Variants in DAB1 observed in about 807,000 individuals in gnomAD.
DAB1 encodes disabled homolog 1.
DAB1 carries 15 observed loss-of-function variants against 64.6 expected under a neutral mutation model. The ratio of observed to expected loss-of-function variants is 0.23; its 90% CI spans 0.16 to 0.36. The LOEUF (loss-of-function observed/expected upper bound fraction) is 0.36, where lower values mean the gene tolerates loss of function less well. DAB1 is among the 10% of genes least tolerant of loss of function. The pLI, the probability that DAB1 is intolerant of heterozygous loss-of-function variation, is 1.00. For synonymous variants in DAB1, 235 were observed against 251.9 expected, an observed-to-expected ratio of 0.93 and a Z score of 0.64; for missense variants, 596 against 706.7, an observed-to-expected ratio of 0.84 and a Z score of 1.78.
chr1:58,322,887 G>A (rs12032595), intron 4 of DAB1, among the ~76,000 whole-genome samples: 5,116 of 152,180 alleles, frequency 0.034, 238 homozygotes, highest in East Asian at 0.24. Context: ...TGGCACATAT[G>A]TACCACGGAA....
chr1:58,533,748 A>G (rs935542607), intron 1 of DAB1, among the ~76,000 whole-genome samples: 4 of 152,234 alleles, frequency 2.6e-5, no homozygotes, highest in African/African-American at 9.6e-5. Flanking sequence ...TAAGAAAAAT[A>G]TTATTCAGTA....
intron 7 of DAB1, among the ~76,000 whole-genome samples, chr1:57,618,847 T>C (rs1035693227): frequency 1.3e-5 from 2 of 152,172 alleles, no homozygotes; most frequent in African/African-American, 4.8e-5. Flanking sequence ...GATAAGAATT[T>C]AGATCCTGGA....
At chr1:58,450,861 A>T (rs1164298628) in intron 3 of DAB1, among the ~76,000 whole-genome samples, 1 of 152,220 alleles carries the variant, frequency 6.6e-6, no homozygotes, top group Non-Finnish European at 1.5e-5. Context: ...TGTTGGTATC[A>T]GGTATTCCCT....
intron 3 of DAB1, among the ~76,000 whole-genome samples, chr1:58,412,096 C>T (rs1362397885): frequency 6.6e-6 from 1 of 152,122 alleles, no homozygotes; most frequent in African/African-American, 2.4e-5. Context: ...ACTGAGCCAC[C>T]CAGAGTCCTC....
chr1:57,274,661 A>T (rs551279575), intron 2 of DAB1, among the ~76,000 whole-genome samples: 2 of 152,048 alleles, frequency 1.3e-5, no homozygotes, highest in Non-Finnish European at 2.9e-5. Context: ...GCTCACCGCA[A>T]CCTCTGCCTC....
chr1:57,048,940 A>G (rs1369630804), intron 9 of DAB1, among the ~76,000 whole-genome samples: 2 of 152,192 alleles, frequency 1.3e-5, no homozygotes, highest in East Asian at 3.9e-4. Context: ...CCCTTTCCCG[A>G]TTTGCATTTG....
chr1:57,462,183 A>T (rs1321774064), intron 7 of DAB1, among the ~76,000 whole-genome samples: 1 of 151,858 alleles, frequency 6.6e-6, no homozygotes, highest in Non-Finnish European at 1.5e-5. Context: ...TCCTGACCTC[A>T]GGTGACCCAC....
intron 1 of DAB1, among the ~76,000 whole-genome samples, chr1:57,379,966 C>T (rs185934397): frequency 1.2e-4 from 18 of 152,302 alleles, no homozygotes; most frequent in East Asian, 5.8e-4. Flanking sequence ...TGTGAATCCA[C>T]GTGAAGCTCT....
At chr1:57,060,458 T>C (rs1445214395) in intron 9 of DAB1, among the ~76,000 whole-genome samples, 1 of 152,114 alleles carries the variant, frequency 6.6e-6, no homozygotes, top group Non-Finnish European at 1.5e-5. Context: ...CCTTCATATA[T>C]TTATTAAATG....
intron 3 of DAB1, among the ~76,000 whole-genome samples, chr1:58,438,435 G>A (rs569145223): frequency 5.3e-5 from 8 of 152,272 alleles, no homozygotes; most frequent in East Asian, 1.9e-4. Flanking sequence ...AGAGGGTTCC[G>A]GGCAGTTGTG....
intron 4 of DAB1, among the ~76,000 whole-genome samples, chr1:58,286,348 C>A (rs1223999507): frequency 6.6e-6 from 1 of 152,102 alleles, no homozygotes; most frequent in Non-Finnish European, 1.5e-5. Flanking sequence ...TTCTGCACAG[C>A]AAAAGAAACT....
At chr1:57,759,207 AT>A (rs1648959264) in intron 6 of DAB1, among the ~76,000 whole-genome samples, 1 of 152,150 alleles carries the variant, frequency 6.6e-6, no homozygotes, top group Non-Finnish European at 1.5e-5. Context: ...GGGTCACTGC[AT>A]GGCCCAATAG....
chr1:57,286,683 A>G (rs1222040850), intron 2 of DAB1, among the ~76,000 whole-genome samples: 2 of 152,244 alleles, frequency 1.3e-5, no homozygotes, highest in African/African-American at 4.8e-5. Flanking sequence ...ACCAAAAATC[A>G]TTATATGAGG....
Position 57,439,424 on chromosome 1 carries a change from TC to T in DAB1, n.626-148259del, listed in dbSNP as rs374690254. The stretch of plus-strand genomic sequence containing the variant: ...CCATCAACTTGGTGATGAGGTTTTT[TC>T]TTTTTTTTTTTTTTTTTTTTTTGAG... On this transcript the variant is annotated intron_variant and non_coding_transcript_variant, in intron 7 of 20. Transcript: ENST00000485760. Among the ~76,000 whole-genome samples the T allele has an allele frequency of 8.3e-3, 968 of 117,082 alleles. 57 individuals are homozygous for T. Among genetic ancestry groups the T allele is most frequent in the African/African-American group, 0.034 (850 of 24,812 alleles). 76.8% of individuals were successfully genotyped at this position (117,082 alleles called of 152,430 possible). A position where few individuals can be genotyped will look rare whatever the true frequency, so the allele number is the denominator to read the frequency against.
chr1:57,220,173 G>A (rs1293194005), intron 2 of DAB1, among the ~76,000 whole-genome samples: 3 of 152,196 alleles, frequency 2.0e-5, no homozygotes, highest in Non-Finnish European at 2.9e-5. Flanking sequence ...ATGTGACATG[G>A]TAGGCTTTGC....
intron 6 of DAB1, among the ~76,000 whole-genome samples, chr1:57,669,676 C>T (rs1646488464): frequency 6.6e-6 from 1 of 152,156 alleles, no homozygotes; most frequent in African/African-American, 2.4e-5. Context: ...TAACATCCCC[C>T]ATTTCCACAG....
At chr1:58,143,246 G>A (rs943205417) in intron 5 of DAB1, among the ~76,000 whole-genome samples, 5 of 152,036 alleles carry the variant, frequency 3.3e-5, no homozygotes, top group Admixed American at 1.3e-4. Context: ...ACATGACACA[G>A]CCCCTAACAT....
At chr1:58,321,996 G>A (rs1199702017) in intron 4 of DAB1, among the ~76,000 whole-genome samples, 1 of 152,172 alleles carries the variant, frequency 6.6e-6, no homozygotes, top group East Asian at 1.9e-4. Context: ...CCTAACTGGG[G>A]GATACCTCCA....
downstream of DAB1, among the ~76,000 whole-genome samples, chr1:57,824,396 G>T (rs1213179083): frequency 2.6e-5 from 4 of 152,136 alleles, no homozygotes; most frequent in Admixed American, 1.3e-4. Flanking sequence ...ATGAACGATG[G>T]CTGATTGCTT....
Sources: gnomAD v4.1 joint callset for allele counts (sites outside exome capture counted in the v4.1 genomes callset) on GRCh38, gnomAD v4.1.1 for gene constraint, MANE v1.5 for transcripts, NCBI Gene and HGNC (gene_info 2026-07-23, HGNC 2026-07-21) for gene names.